Variants in TRPS1 observed in about 807,000 individuals in gnomAD.
The protein encoded by TRPS1 is zinc finger transcription factor Trps1.
TRPS1 carries 6 observed loss-of-function variants against 101.2 expected under a neutral mutation model. The observed-to-expected ratio is 0.06, with a 90% CI of 0.03 to 0.12. The LOEUF (loss-of-function observed/expected upper bound fraction) is 0.12, where lower values mean the gene tolerates loss of function less well. TRPS1 is among the 10% of genes least tolerant of loss of function. The pLI is 1.00. For missense variants in TRPS1, 1,363 were observed against 1,567.0 expected, an observed-to-expected ratio of 0.87 and a Z score of 2.20; for synonymous variants, 578 against 589.8, an observed-to-expected ratio of 0.98 and a Z score of 0.29.
intron 5 of TRPS1, among the ~76,000 whole-genome samples, chr8:115,551,253 G>A (rs1816697568): frequency 6.6e-6 from 1 of 152,158 alleles, no homozygotes; most frequent in African/African-American, 2.4e-5. Context: ...TGTAAAAAGT[G>A]AGCCTACCTA....
chr8:115,608,183 A>T (rs1818082977), intron 3 of TRPS1, among the ~76,000 whole-genome samples: 1 of 152,198 alleles, frequency 6.6e-6, no homozygotes, highest in Admixed American at 6.5e-5. Flanking sequence ...CAAGCAGAAT[A>T]GAGAGCAGAG....
At chr8:115,562,298 T>C (rs374236149) in intron 5 of TRPS1, among the ~76,000 whole-genome samples, 1 of 152,232 alleles carries the variant, frequency 6.6e-6, no homozygotes, top group Non-Finnish European at 1.5e-5. Flanking sequence ...TTTACTCTGA[T>C]TGTTCCAATG....
At chr8:115,507,897 T>C (rs1414801330) in intron 5 of TRPS1, among the ~76,000 whole-genome samples, 1 of 152,104 alleles carries the variant, frequency 6.6e-6, no homozygotes, top group Middle Eastern at 3.2e-3. Context: ...TAAATTGTAC[T>C]GTCATTGCAT....
chr8:115,605,326 A>G (rs1468049963), intron 3 of TRPS1, among the ~76,000 whole-genome samples: 1 of 152,218 alleles, frequency 6.6e-6, no homozygotes, highest in Non-Finnish European at 1.5e-5. Flanking sequence ...ACATTTTACT[A>G]TTGCCTCCTT....
intron 3 of TRPS1, among the ~76,000 whole-genome samples, chr8:115,608,249 A>G (rs1002293404): frequency 2.0e-5 from 3 of 152,164 alleles, no homozygotes; most frequent in Non-Finnish European, 4.4e-5. Flanking sequence ...CTTTAAACCC[A>G]GCAGTTCCTT....
intron 3 of TRPS1, among the ~76,000 whole-genome samples, chr8:115,611,204 G>T (rs1221116574): frequency 1.3e-5 from 2 of 152,038 alleles, no homozygotes; most frequent in African/African-American, 4.8e-5. Flanking sequence ...GTTCAAGTGG[G>T]TTACAAAGCT....
chr8:115,667,852 C>A (rs1811961048), intron 1 of TRPS1: 1 of 1,535,532 alleles, frequency 6.5e-7, no homozygotes, highest in Non-Finnish European at 8.7e-7. Context: ...CCTCCCGACC[C>A]TCCCGAGTTC....
At chr8:115,490,419 C>CTA in intron 5 of TRPS1, among the ~76,000 whole-genome samples, 1 of 152,238 alleles carries the variant, frequency 6.6e-6, no homozygotes, top group South Asian at 2.1e-4. Context: ...ACACAATCTA[C>CTA]TATATACACA....
intron 5 of TRPS1, among the ~76,000 whole-genome samples, chr8:115,495,976 CTT>C (rs1161450382): frequency 2.6e-5 from 4 of 152,120 alleles, no homozygotes; most frequent in African/African-American, 9.7e-5. Context: ...CCAATTGTCA[CTT>C]TATATTAAAG....
At chr8:115,436,781 G>GT (rs1813464703) in intron 5 of TRPS1, among the ~76,000 whole-genome samples, 1 of 152,132 alleles carries the variant, frequency 6.6e-6, no homozygotes, top group South Asian at 2.1e-4. Context: ...TAAGCTCCCA[G>GT]TTTGAGTAAC....
At chr8:115,662,667 CAGAG>C (rs1459508717) in intron 1 of TRPS1, among the ~76,000 whole-genome samples, 7 of 126,374 alleles carry the variant, frequency 5.5e-5, no homozygotes, top group Non-Finnish European at 1.1e-4. Flanking sequence ...TGTGCAAAGT[CAGAG>C]AGAAAGAAAT....
At chr8:115,634,267 G>A (rs1355710832) in intron 1 of TRPS1, among the ~76,000 whole-genome samples, 1 of 152,132 alleles carries the variant, frequency 6.6e-6, no homozygotes, top group African/African-American at 2.4e-5. Context: ...AGAACTTTGG[G>A]TTTAAGCAAA....
chr8:115,440,937 T>C (rs957431563), intron 5 of TRPS1, among the ~76,000 whole-genome samples: 8 of 152,208 alleles, frequency 5.3e-5, no homozygotes, highest in Admixed American at 2.0e-4. Flanking sequence ...ACAGGCATAT[T>C]AGTCTCACTC....
At chr8:115,437,639 A>G (rs570044721) in intron 5 of TRPS1, among the ~76,000 whole-genome samples, 1 of 152,366 alleles carries the variant, frequency 6.6e-6, no homozygotes, top group South Asian at 2.1e-4. Context: ...GAAAGGCTGA[A>G]TGTCTACACG....
At chr8:115,581,695 T>C (rs1220763387) in intron 5 of TRPS1, among the ~76,000 whole-genome samples, 1 of 152,122 alleles carries the variant, frequency 6.6e-6, no homozygotes, top group Non-Finnish European at 1.5e-5. Context: ...TCAAAAATGG[T>C]ATATAAATGT....
At chr8:115,434,969 C>G (rs1464711356) in intron 5 of TRPS1, among the ~76,000 whole-genome samples, 2 of 152,186 alleles carry the variant, frequency 1.3e-5, no homozygotes, top group East Asian at 3.8e-4. Context: ...AATCCAAAAC[C>G]TTTCATCACT....
intron 5 of TRPS1, among the ~76,000 whole-genome samples, chr8:115,450,699 C>A (rs895232436): frequency 1.8e-4 from 27 of 152,096 alleles, no homozygotes; most frequent in Non-Finnish European, 3.8e-4. Flanking sequence ...TCCCTGAACA[C>A]CACATATACA....
intron 5 of TRPS1, among the ~76,000 whole-genome samples, chr8:115,452,148 G>A (rs1000776620): frequency 6.6e-6 from 1 of 152,126 alleles, no homozygotes; most frequent in Non-Finnish European, 1.5e-5. Flanking sequence ...AATGAATTCT[G>A]GACTTGTTTT....
intron 5 of TRPS1, among the ~76,000 whole-genome samples, chr8:115,531,868 G>C (rs556259675): frequency 1.3e-5 from 2 of 152,042 alleles, no homozygotes; most frequent in Non-Finnish European, 2.9e-5. Context: ...GATGGAGGCG[G>C]GTGCTTATTT....
Sources: allele counts gnomAD v4.1 joint callset (sites outside exome capture counted in the v4.1 genomes callset), GRCh38; gene constraint gnomAD v4.1.1; transcripts MANE v1.5; gene names NCBI Gene and HGNC (gene_info 2026-07-23, HGNC 2026-07-21).